The following DLC1 variants were observed in gnomAD, a reference collection of about 807,000 sequenced individuals.
DLC1 encodes DLC1 Rho GTPase activating protein, also known as rho GTPase-activating protein 7.
A neutral mutation model predicts 140.3 loss-of-function variants in DLC1; 54 were observed. That is an observed-to-expected ratio of 0.38 (90% CI 0.31 to 0.48). DLC1 has a LOEUF of 0.48. Among genes scored for constraint, DLC1 ranks in the 20% least tolerant of loss-of-function variants. The pLI, the probability that DLC1 is intolerant of heterozygous loss-of-function variation, is 0.96. For synonymous variants in DLC1, 986 were observed against 728.1 expected (o/e 1.35, Z -5.70); for missense variants, 2,536 against 1,907.0 (o/e 1.33, Z -6.14).
intron 4 of DLC1, among the ~76,000 whole-genome samples, chr8:13,334,393 T>C (rs1035046769): frequency 1.3e-5 from 2 of 151,970 alleles, no homozygotes; most frequent in African/African-American, 4.8e-5. Flanking sequence ...TGGAGGAGTT[T>C]TATGTTGGCA....
intron 1 of DLC1, among the ~76,000 whole-genome samples, chr8:13,540,879 A>G (rs769333399): frequency 1.3e-5 from 2 of 152,072 alleles, no homozygotes; most frequent in Non-Finnish European, 2.9e-5. Context: ...TCCTCTCAAG[A>G]CTCTAGCAAA....
chr8:13,329,877 G>A (rs1671377), intron 4 of DLC1, among the ~76,000 whole-genome samples: 128,377 of 152,028 alleles, frequency 0.84, 54,819 homozygotes, highest in East Asian at 0.95. Context: ...ATACACAAGT[G>A]TACAAAGTCC....
chr8:13,248,779 T>C (rs1188270), intron 5 of DLC1, among the ~76,000 whole-genome samples: 110,795 of 152,010 alleles, frequency 0.73, 40,783 homozygotes, highest in East Asian at 0.92. Flanking sequence ...TGAACACGCA[T>C]TCTCCATTCC....
chr8:13,364,703 A>T (rs1050951232), intron 4 of DLC1, among the ~76,000 whole-genome samples: 2 of 152,164 alleles, frequency 1.3e-5, no homozygotes, highest in African/African-American at 4.8e-5. Flanking sequence ...TGGACTAGGA[A>T]TAGGTGATTT....
chr8:13,184,808 T>C (rs1826251296), intron 5 of DLC1, among the ~76,000 whole-genome samples: 1 of 152,220 alleles, frequency 6.6e-6, no homozygotes. Flanking sequence ...TAGATGTCTA[T>C]TAGGTCTGCT....
intron 2 of DLC1, among the ~76,000 whole-genome samples, chr8:13,413,963 C>T (rs1474410497): frequency 6.6e-6 from 1 of 152,140 alleles, no homozygotes; most frequent in South Asian, 2.1e-4. Flanking sequence ...CTACATGTTA[C>T]AGTTTGAAAT....
At chr8:13,601,992 C>T (rs150603237) in intron 1 of DLC1, among the ~76,000 whole-genome samples, 304 of 151,822 alleles carry the variant, frequency 2.0e-3, no homozygotes, top group Admixed American at 4.3e-3. Flanking sequence ...TGGCTACCAA[C>T]GTCATAAAAA....
chr8:13,343,083 A>T (rs1834153195), intron 4 of DLC1, among the ~76,000 whole-genome samples: 1 of 152,176 alleles, frequency 6.6e-6, no homozygotes, highest in African/African-American at 2.4e-5. Flanking sequence ...CTTATTTGCT[A>T]TATACTGCTG....
At chr8:13,572,294 T>G (rs949333017) in intron 1 of DLC1, among the ~76,000 whole-genome samples, 1 of 152,098 alleles carries the variant, frequency 6.6e-6, no homozygotes, top group African/African-American at 2.4e-5. Flanking sequence ...TTTCACCGTG[T>G]TAGCCAGGAT....
chr8:13,407,955 A>G (rs1226862293), intron 2 of DLC1, among the ~76,000 whole-genome samples: 1 of 152,132 alleles, frequency 6.6e-6, no homozygotes, highest in Non-Finnish European at 1.5e-5. Flanking sequence ...TTCTTAAAAT[A>G]ATATCCTGTT....
At chr8:13,516,609 C>T (rs17094446), upstream of DLC1, among the ~76,000 whole-genome samples, 4,012 of 152,156 alleles carry the variant, frequency 0.026, 190 homozygotes, top group East Asian at 0.17. Flanking sequence ...CAAATAAAAA[C>T]GTTTGGTCAG....
chr8:13,365,246 A>G (rs1327891216), intron 4 of DLC1, among the ~76,000 whole-genome samples: 1 of 152,160 alleles, frequency 6.6e-6, no homozygotes, highest in African/African-American at 2.4e-5. Context: ...GACTGATTAT[A>G]TCTATCCTTT....
rs142343769 is a variant in DLC1, at chr8:13,524,611, A to G, written c.-125-24415T>C. ...CCTGTATTTCTCTCAATGAAACATG[A>G]TACATCTGGGTGCAGGAGAACAGTT... On this transcript the variant is annotated intron_variant, in intron 1 of 1. Transcript: ENST00000631382. Among the ~76,000 whole-genome samples, 1,069 of 152,232 alleles carry G rather than the reference A, an allele frequency of 7.0e-3. 24 individuals are homozygous for G. The highest frequency in any genetic ancestry group is 0.036 in the East Asian group (185 of 5,166).
At chr8:13,126,760 T>A (rs1331131514) in intron 5 of DLC1, among the ~76,000 whole-genome samples, 5 of 152,260 alleles carry the variant, frequency 3.3e-5, no homozygotes, top group African/African-American at 1.2e-4. Context: ...GCAAAGCTTA[T>A]TCTACGAGGG....
chr8:13,444,729 A>G (rs1218682960), intron 2 of DLC1, among the ~76,000 whole-genome samples: 2 of 152,252 alleles, frequency 1.3e-5, no homozygotes, highest in Admixed American at 1.3e-4. Flanking sequence ...CATTACAAGA[A>G]TAGAAGCAAA....
chr8:13,219,070 A>ATAATTATATAATTATATGTGCATG (rs1828392638), intron 5 of DLC1, among the ~76,000 whole-genome samples: 1 of 119,094 alleles, frequency 8.4e-6, no homozygotes, highest in African/African-American at 3.3e-5. Flanking sequence ...TTACGTGAAT[A>ATAATTATATAATTATATGTGCATG]TAATTATATA....
chr8:13,374,409 A>G (rs1239893266), intron 4 of DLC1, among the ~76,000 whole-genome samples: 1 of 152,074 alleles, frequency 6.6e-6, no homozygotes, highest in African/African-American at 2.4e-5. Flanking sequence ...CCTTTTTGCT[A>G]TTTTATAATA....
intron 4 of DLC1, among the ~76,000 whole-genome samples, chr8:13,375,027 A>T (rs796545170): frequency 1.1e-3 from 145 of 134,064 alleles, no homozygotes; most frequent in Middle Eastern, 4.2e-3. Flanking sequence ...AATGCTTGTG[A>T]TTTTTTTTTT....
At chr8:13,433,984 C>A (rs1839000578) in intron 2 of DLC1, among the ~76,000 whole-genome samples, 1 of 152,128 alleles carries the variant, frequency 6.6e-6, no homozygotes, top group Non-Finnish European at 1.5e-5. Flanking sequence ...GCCTCCCGAG[C>A]AGCTGCGATT....
Sources: gnomAD v4.1 joint callset for allele counts (sites outside exome capture counted in the v4.1 genomes callset) on GRCh38, gnomAD v4.1.1 for gene constraint, MANE v1.5 for transcripts, NCBI Gene and HGNC (gene_info 2026-07-23, HGNC 2026-07-21) for gene names.